SUMF1: variants seen among roughly 807,000 people sequenced by gnomAD.
SUMF1 encodes the protein formylglycine-generating enzyme.
Under a neutral mutation model 47.6 loss-of-function variants are expected in SUMF1, and 48 were observed. The observed-to-expected ratio is 1.01, with a 90% CI of 0.80 to 1.28. The LOEUF is 1.28. Ranked by LOEUF, SUMF1 falls within the 50% of genes most tolerant of loss-of-function variation. The probability of loss-of-function intolerance (pLI) is 0.00; values close to 1 mark genes in which losing one functional copy is unlikely to be tolerated. For missense variants in SUMF1, 571 were observed against 485.4 expected (o/e 1.18, Z -1.66); for synonymous variants, 230 against 192.1 (o/e 1.20, Z -1.63).
intron 9 of SUMF1, among the ~76,000 whole-genome samples, chr3:4,046,105 A>C (rs2125020407): frequency 6.6e-6 from 1 of 152,306 alleles, no homozygotes; most frequent in African/African-American, 2.4e-5. Flanking sequence ...GATAAAAATA[A>C]GTTAACTGAA....
At chr3:4,335,260 G>C (rs746170870) in intron 8 of SUMF1, among the ~76,000 whole-genome samples, 10 of 152,102 alleles carry the variant, frequency 6.6e-5, no homozygotes, top group Admixed American at 3.9e-4. Flanking sequence ...TCACTCTCAG[G>C]ATGAAAGATG....
At chr3:4,327,839 A>G (rs994003173) in intron 8 of SUMF1, among the ~76,000 whole-genome samples, 4 of 152,228 alleles carry the variant, frequency 2.6e-5, no homozygotes, top group Non-Finnish European at 5.9e-5. Flanking sequence ...TCAAAGATTT[A>G]AAACACTTGA....
chr3:4,381,161 C>G (rs1375857544), intron 7 of SUMF1, among the ~76,000 whole-genome samples: 1 of 152,146 alleles, frequency 6.6e-6, no homozygotes, highest in Non-Finnish European at 1.5e-5. Context: ...TTCCATCACT[C>G]AGCAAACAGT....
intron 8 of SUMF1, among the ~76,000 whole-genome samples, chr3:4,367,206 C>G (rs543631117): frequency 6.6e-6 from 1 of 152,186 alleles, no homozygotes; most frequent in Non-Finnish European, 1.5e-5. Context: ...TGCCCATTCT[C>G]AGATCTCCAG....
At chr3:4,436,737 C>A (rs1309597450) in intron 3 of SUMF1, among the ~76,000 whole-genome samples, 1 of 151,272 alleles carries the variant, frequency 6.6e-6, no homozygotes, top group Non-Finnish European at 1.5e-5. Flanking sequence ...AGGAGATTAA[C>A]ATGCTACAGA....
intron 8 of SUMF1, among the ~76,000 whole-genome samples, chr3:4,194,529 T>G (rs940573690): frequency 5.3e-5 from 8 of 152,176 alleles, no homozygotes; most frequent in African/African-American, 1.9e-4. Context: ...AGATAATATT[T>G]ACAGATATGG....
rs530737410 is a variant in SUMF1 at position 4,076,448 on chromosome 3, A to G, written c.1015-7703T>C. On this transcript the variant is annotated intron_variant and NMD_transcript_variant, in intron 8 of 12. Transcript: ENST00000448413. ...CATAGGCATGGGCAAAGACTTCATG[A>G]ATACAATACCAAAAGCAATGGCAAC... Among the ~76,000 whole-genome samples, 6 of 152,258 alleles carry G rather than the reference A, an allele frequency of 3.9e-5. No homozygotes were observed. In the East Asian group the frequency reaches 1.2e-3, roughly 29 times the overall value.
At chr3:4,098,765 T>C (rs1382144445) in intron 8 of SUMF1, among the ~76,000 whole-genome samples, 1 of 152,184 alleles carries the variant, frequency 6.6e-6, no homozygotes, top group Non-Finnish European at 1.5e-5. Flanking sequence ...TCATCCTTCA[T>C]GGTTTCAAAC....
At chr3:4,405,013 G>A (rs2124988468) in intron 7 of SUMF1, among the ~76,000 whole-genome samples, 1 of 152,304 alleles carries the variant, frequency 6.6e-6, no homozygotes, top group East Asian at 1.9e-4. Flanking sequence ...CTGGGCAGAG[G>A]AGGATCAGGA....
At chr3:4,414,328 C>T (rs1559284074) in intron 6 of SUMF1, among the ~76,000 whole-genome samples, 1 of 152,174 alleles carries the variant, frequency 6.6e-6, no homozygotes, top group Non-Finnish European at 1.5e-5. Flanking sequence ...AGGACCCTGT[C>T]TCAAATAAAT....
chr3:4,099,575 A>C (rs992376735), intron 8 of SUMF1, among the ~76,000 whole-genome samples: 2 of 152,124 alleles, frequency 1.3e-5, no homozygotes, highest in Non-Finnish European at 2.9e-5. Flanking sequence ...TACTCTAACT[A>C]CTTCTGTTTA....
intron 8 of SUMF1, among the ~76,000 whole-genome samples, chr3:4,264,297 C>A (rs1240976432): frequency 6.6e-6 from 1 of 152,148 alleles, no homozygotes; most frequent in Non-Finnish European, 1.5e-5. Flanking sequence ...TGGGCCAGAG[C>A]CTGGAGCTAA....
chr3:4,341,662 T>C (rs1273798452), intron 8 of SUMF1, among the ~76,000 whole-genome samples: 1 of 152,194 alleles, frequency 6.6e-6, no homozygotes, highest in Non-Finnish European at 1.5e-5. Flanking sequence ...TATAAGTCAT[T>C]TGCTATTGAA....
rs377304317 is a variant in SUMF1 at position 4,402,280 on chromosome 3, T to C, written c.954+8585A>G. Among the ~76,000 whole-genome samples the C allele has an allele frequency of 3.9e-5, 6 of 152,314 alleles. No homozygotes were observed. In the South Asian group the frequency reaches 1.2e-3, roughly 32 times the overall value. Reference sequence around the variant, plus strand: ...ATCTTTGGATCCCATGGACCTATCATAGTTACCTCACCAATTGCTGCCATC... The same window carrying C: ...ATCTTTGGATCCCATGGACCTATCACAGTTACCTCACCAATTGCTGCCATC... On this transcript the variant is annotated intron_variant, in intron 7 of 8. Transcript: ENST00000272902.
Position 4,112,560 on chromosome 3 carries a change from T to C in SUMF1, c.1015-43815A>G, listed in dbSNP as rs1693331858. On this transcript the variant is annotated intron_variant and NMD_transcript_variant, in intron 8 of 12. Transcript: ENST00000448413. The stretch of plus-strand genomic sequence containing the variant: ...TTGGCTGTTTCATAGAAAAGTATCT[T>C]GTGACCATCATAAAGATGAATGAGA... 2.0e-5 allele frequency among the ~76,000 whole-genome samples: 3 copies of C among 152,264 alleles called. 1 individual carries two copies. Among genetic ancestry groups the C allele is most frequent in the South Asian group, 4.2e-4 (2 of 4,816 alleles).
chr3:4,389,332 G>GTT (rs58961505), intron 7 of SUMF1, among the ~76,000 whole-genome samples: 2 of 139,874 alleles, frequency 1.4e-5, no homozygotes. Context: ...CATTCAAATT[G>GTT]TTTTTTTTTT....
intron 8 of SUMF1, among the ~76,000 whole-genome samples, chr3:4,097,734 A>G (rs1692938462): frequency 6.6e-6 from 1 of 152,138 alleles, no homozygotes; most frequent in African/African-American, 2.4e-5. Context: ...TGTGGCTTTC[A>G]AAACCTCTGC....
At chr3:4,334,114 C>G (rs1699100529) in intron 8 of SUMF1, among the ~76,000 whole-genome samples, 1 of 149,586 alleles carries the variant, frequency 6.7e-6, no homozygotes, top group Admixed American at 6.7e-5. Context: ...GGCAACAAAG[C>G]AAGACCCATC....
At chr3:4,085,511 T>C (rs615329) in intron 8 of SUMF1, among the ~76,000 whole-genome samples, 34,528 of 152,042 alleles carry the variant, frequency 0.23, 4,779 homozygotes, top group Middle Eastern at 0.3. Flanking sequence ...CATCAAATTA[T>C]TAGCCTGCAA....
Sources: gnomAD v4.1 joint callset for allele counts (sites outside exome capture counted in the v4.1 genomes callset) on GRCh38, gnomAD v4.1.1 for gene constraint, MANE v1.5 for transcripts, NCBI Gene and HGNC (gene_info 2026-07-23, HGNC 2026-07-21) for gene names.